The following DDX51 variants were observed in gnomAD, a reference collection of about 807,000 sequenced individuals.
DDX51 encodes the protein DEAD-box helicase 51.
A neutral mutation model predicts 74.6 loss-of-function variants in DDX51; 67 were observed. The observed-to-expected ratio is 0.90, with a 90% CI of 0.74 to 1.10. DDX51 has a LOEUF of 1.10. Ranked by LOEUF, DDX51 falls within the 50% of genes least tolerant of loss-of-function variation. DDX51 has a pLI of 0.00. For synonymous variants in DDX51, 545 were observed against 402.9 expected, an observed-to-expected ratio of 1.35 and a Z score of -4.22; for missense variants, 1,056 against 905.2, an observed-to-expected ratio of 1.17 and a Z score of -2.14.
At chr12:132,142,003 T>A (rs1897484890) in intron 5 of DDX51, 47 bp from the exon 6 acceptor site, 5 of 1,609,086 alleles carry the variant, frequency 3.1e-6, no homozygotes, top group Non-Finnish European at 4.2e-6. Flanking sequence ...GGTGTCCACC[T>A]ACTGCAGCAA....
rs1406966837 is a variant in DDX51, at chr12:132,139,678, G to C, written c.1931C>G (p.Pro644Arg). 1.2e-6 allele frequency: 2 copies of C among 1,613,138 alleles called. No individual in the cohort carries two copies. Among genetic ancestry groups the C allele is most frequent in the Admixed American group, 1.7e-5 (1 of 60,026 alleles). Residue 644 changes from proline to arginine, a missense_variant, in exon 14 of 15, where the codon CCT (proline) becomes CGT (arginine). Coordinates refer to ENST00000397333, the MANE Select transcript of DDX51 (RefSeq NM_175066.4). ...CTGGGACAGGGCCTCCTCGTACCGA[G>C]GAACCAGCGGCTGCAGCAGCTTGCT... is the stretch of plus-strand genomic sequence containing the variant. ...LSSKLLQPLV[P>R]RYEEALSQLE...
chr12:132,139,953 T>C (rs1178013279), intron 12 of DDX51, 29 bp from the exon 13 acceptor site: 6 of 1,612,694 alleles, frequency 3.7e-6, no homozygotes, highest in Non-Finnish European at 5.1e-6. Context: ...ATCTCCAGAC[T>C]GGCCCCTGAG....
chr12:132,143,706 T>A lies in DDX51; in HGVS notation c.508A>T (p.Lys170Ter). 1 of 1,540,112 alleles carries A rather than the reference T, an allele frequency of 6.5e-7. No individual in the cohort carries two copies. Among genetic ancestry groups the A allele is most frequent in the South Asian group, 1.2e-5 (1 of 84,012 alleles). The change falls in exon 2 of 15, where the codon AAG becomes TAG. Residue 170 changes from lysine (K) to a stop codon, truncating the protein, a stop_gained. Transcript: ENST00000397333. LOFTEE classifies it high-confidence loss of function. The stretch of plus-strand genomic sequence containing the variant: ...CCGCCGAGGCTCACCTTCGGCGCCT[T>A]CCTCTTCCCGAACCCCCCCAGCACC... ...GLVLGGFGKR[K>*]APKVQPFLPR...
intron 8 of DDX51, 85 bp from the exon 9 acceptor site, chr12:132,141,105 TAG>T (rs1448416669): frequency 1.6e-5 from 24 of 1,512,700 alleles, no homozygotes; most frequent in Non-Finnish European, 2.0e-5. Context: ...CTACGCACTG[TAG>T]AGACTGCCGC....
Position 132,141,510 on chromosome 12 carries a change from C to G in DDX51, c.1092G>C (p.Gln364His), listed in dbSNP as rs778219137. The change falls in exon 7 of 15, where the codon CAG becomes CAC. Residue 364 changes from glutamine to histidine, a missense_variant. By Grantham distance (24) the Gln-to-His change is conservative. Transcript: ENST00000397333. ...GGCGGGGACCTACCAGGAAGCGGAG[C>G]TGCTGGAGGCTGAATCCTGGGGTCT... ...IDQTPGFSLQ[Q>H]LRFLIIDEAD... 3.8e-6 allele frequency: 6 copies of G among 1,593,428 alleles called. No individual in the cohort carries two copies. The highest frequency in any genetic ancestry group is 5.1e-6 in the Non-Finnish European group (6 of 1,172,708).
In DDX51 at chr12:132,140,857, T is replaced by C; in HGVS notation, c.1414A>G (p.Lys472Glu). The change falls in exon 9 of 15, where the codon AAG becomes GAG. Residue 472 changes from lysine to glutamate, a missense_variant. Lys to Glu is a moderately conservative substitution (Grantham distance 56, BLOSUM62 1). Transcript: ENST00000397333. ...EDTDGDGDSG[K>E]YAFPVGLTHH... Reference sequence around the variant, plus strand: ...GTGAGCCCAACAGGAAAGGCATACTTCCCCGAATCCCCGTCCCCATCTGTA... The same window carrying C: ...GTGAGCCCAACAGGAAAGGCATACTCCCCCGAATCCCCGTCCCCATCTGTA... 3.7e-6 allele frequency: 6 copies of C among 1,613,424 alleles called. No individual in the cohort carries two copies. Among genetic ancestry groups the C allele is most frequent in the Non-Finnish European group, 4.2e-6 (5 of 1,179,926 alleles).
Position 132,139,656 on chromosome 12 carries a change from G to A in DDX51, c.1953C>T (p.Ser651=). Residue 651 remains serine, a synonymous_variant, in exon 14 of 15, where the codon TCC becomes TCT. Coordinates refer to ENST00000397333, the MANE Select transcript of DDX51 (RefSeq NM_175066.4). ...TTACCTTGACAGACTCCTCCAGCTG[G>A]GACAGGGCCTCCTCGTACCGAGGAA... ...PLVPRYEEAL[S]QLEESVKEER... 3 of 1,613,094 alleles carry A rather than the reference G, an allele frequency of 1.9e-6. No individual in the cohort carries two copies. Among genetic ancestry groups the A allele is most frequent in the South Asian group, 2.2e-5 (2 of 91,088 alleles).
chr12:132,140,220 G>T, intron 11 of DDX51, 21 bp from the exon 12 acceptor site: 1 of 1,606,946 alleles, frequency 6.2e-7, no homozygotes, highest in Non-Finnish European at 8.5e-7. Flanking sequence ...ACGCAGCATT[G>T]TGGGCCCGAC....
At position 132,140,200 on chromosome 12, in the gene DDX51, C is replaced by A; in HGVS notation, c.1674-1G>T. ...CGCGGTGGCGTCCGTGCTGATGAGCCTGCCGGGACACGCAGCATTGTGGGC... is the reference window on the plus strand; with the variant it reads ...CGCGGTGGCGTCCGTGCTGATGAGCATGCCGGGACACGCAGCATTGTGGGC... On this transcript the variant is annotated splice_acceptor_variant, in intron 11 of 14. Transcript: ENST00000397333. LOFTEE classifies it high-confidence loss of function. 2 of 1,611,590 alleles carry A rather than the reference C, an allele frequency of 1.2e-6. No individual in the cohort carries two copies. The highest frequency in any genetic ancestry group is 1.7e-6 in the Non-Finnish European group (2 of 1,179,270).
rs1565954941 is a variant in DDX51 at position 132,142,287 on chromosome 12, G to A, written c.806C>T (p.Pro269Leu). 2 of 1,613,106 alleles carry A rather than the reference G, an allele frequency of 1.2e-6. No individual in the cohort carries two copies. Among genetic ancestry groups the A allele is most frequent in the Non-Finnish European group, 8.5e-7 (1 of 1,179,968 alleles). Residue 269 changes from proline (P) to leucine (L), a missense_variant, in exon 4 of 15, where the codon CCT becomes CTT. Physicochemically the swap from Pro to Leu is moderately conservative, Grantham distance 98. Coordinates refer to ENST00000397333, the MANE Select transcript of DDX51 (RefSeq NM_175066.4). ...GSGKTLAFVI[P>L]VVQALLSRVV... is the part of the protein sequence containing the mutation. The stretch of plus-strand genomic sequence containing the variant: ...GACCCTCACACAGACCTGCACCACA[G>A]GGATGACGAAGGCCAGTGTCTTCCC...
At chr12:132,143,315 C>T (rs912735278) in intron 2 of DDX51, 11 of 425,530 alleles carry the variant, frequency 2.6e-5, no homozygotes, top group Non-Finnish European at 4.7e-5. Context: ...GCTTTCTTCA[C>T]CTGTCTCGCC....
In DDX51 at chr12:132,141,189, C is replaced by T. The variant is rs1260193544; in HGVS notation, c.1250+86G>A. 8.6e-6 allele frequency: 13 copies of T among 1,512,962 alleles called. No individual in the cohort carries two copies. The Admixed American group carries it at 1.1e-4, about 12-fold the overall frequency. The allele number at this position is 1,512,962 out of a possible 1,614,324, so 93.7% of individuals were successfully genotyped here. On this transcript the variant is annotated intron_variant, in intron 8 of 14. Coordinates refer to ENST00000397333, the MANE Select transcript of DDX51 (RefSeq NM_175066.4). ...TTCTGTGCACCAGAGCTCAAGCCAC[C>T]CTTATCTCTGGGCATTAAGGAAGGA...
In DDX51 at chr12:132,137,365, G is replaced by A. The variant is rs1422081225; in HGVS notation, c.*1907C>T. The A allele has an allele frequency of 6.6e-6, 1 of 152,222 alleles. No homozygotes were observed. The highest frequency in any genetic ancestry group is 1.5e-5 in the Non-Finnish European group (1 of 68,042). The allele number at this position is 152,222 out of a possible 1,614,324, so 9.4% of individuals were successfully genotyped here. ...TTTCTGGCTGCTTGTCGTGAGAAGT[G>A]ATTTTGAACCCCGAGGTTAGAAAGG... On this transcript the variant is annotated 3_prime_UTR_variant, in exon 15 of 15. Transcript: ENST00000397333.
chr12:132,141,724 G>A (rs1262522576), intron 6 of DDX51, 118 bp from the exon 7 acceptor site: 1 of 1,445,870 alleles, frequency 6.9e-7, no homozygotes, highest in South Asian at 1.3e-5. Flanking sequence ...GCCGGTGGGA[G>A]CTCCTCCTCT....
In DDX51 at chr12:132,140,511, C is replaced by A. The variant is rs774321553; in HGVS notation, c.1585G>T (p.Gly529Cys). The change falls in exon 11 of 15, where the codon GGT (glycine) becomes TGT (cysteine). Residue 529 changes from glycine to cysteine, a missense_variant. Gly to Cys is a radical substitution (Grantham distance 159). Coordinates refer to ENST00000397333, the MANE Select transcript of DDX51 (RefSeq NM_175066.4). ...GAGGAGAACTCAGCCACGTCCACACCCCCAAAAGCTTGCACCAGCAGGAAG... is the reference window on the plus strand; with the variant it reads ...GAGGAGAACTCAGCCACGTCCACACACCCAAAAGCTTGCACCAGCAGGAAG... ...RLFLLVQAFG[G>C]VDVAEFSSRY... The A allele has an allele frequency of 6.2e-7, 1 of 1,613,110 alleles. No individual in the cohort carries two copies. Among genetic ancestry groups the A allele is most frequent in the South Asian group, 1.1e-5 (1 of 91,080 alleles).
At chr12:132,142,457 ACGC>A (rs747497797) in intron 3 of DDX51, 35 bp from the exon 4 acceptor site, 3 of 1,603,354 alleles carry the variant, frequency 1.9e-6, no homozygotes, top group Non-Finnish European at 1.7e-6. Flanking sequence ...AGTCGTGTTT[ACGC>A]CTAGGCCTAG....
chr12:132,139,243 T>C lies in DDX51; in HGVS notation c.*29A>G. 6.2e-7 allele frequency: 1 copy of C among 1,605,056 alleles called. No homozygotes were observed. The highest frequency in any genetic ancestry group is 8.5e-7 in the Non-Finnish European group (1 of 1,177,742). On this transcript the variant is annotated 3_prime_UTR_variant, in exon 15 of 15. Transcript: ENST00000397333. ...GAAGGAGGGTCAGGGTGGTGAGCGT[T>C]CAGTCCCTCCGGCCCTCTGAGCCCC...
chr12:132,142,035 G>T, intron 5 of DDX51, 79 bp from the exon 6 acceptor site: 1 of 1,605,610 alleles, frequency 6.2e-7, no homozygotes, highest in East Asian at 2.2e-5. Context: ...GATCTAATCT[G>T]GGTCCCCCAG....
rs539422643 is a variant in DDX51 at position 132,143,546 on chromosome 12, T to C, written c.519+149A>G. Reference sequence around the variant, plus strand: ...TCTGCACGTGCAGGATCCAGACCCCTAGGCGATGAAACTGCAGACCTGGCA... The same window carrying C: ...TCTGCACGTGCAGGATCCAGACCCCCAGGCGATGAAACTGCAGACCTGGCA... On this transcript the variant is annotated intron_variant, in intron 2 of 14. Coordinates refer to ENST00000397333, the MANE Select transcript of DDX51 (RefSeq NM_175066.4). The C allele has an allele frequency of 7.9e-5, 83 of 1,052,482 alleles. No homozygotes were observed. The Middle Eastern group carries it at 1.2e-3, about 15-fold the overall frequency. The allele number at this position is 1,052,482 out of a possible 1,614,324, so 65.2% of individuals were successfully genotyped here.
Sources: gnomAD v4.1 joint callset for allele counts on GRCh38, gnomAD v4.1.1 for gene constraint, MANE v1.5 for transcripts, NCBI Gene and HGNC (gene_info 2026-07-23, HGNC 2026-07-21) for gene names.